The following HEXA variants were observed in gnomAD, a reference collection of about 807,000 sequenced individuals.
The protein encoded by HEXA is hexosaminidase subunit alpha.
Under a neutral mutation model 73.3 loss-of-function variants are expected in HEXA, and 54 were observed. The ratio of observed to expected loss-of-function variants is 0.74; its 90% CI spans 0.59 to 0.92. The LOEUF is 0.92. Ranked by LOEUF, HEXA falls within the 40% of genes least tolerant of loss-of-function variation. HEXA has a pLI of 0.00. For missense variants in HEXA, 649 were observed against 653.0 expected, an observed-to-expected ratio of 0.99 and a Z score of 0.07; for synonymous variants, 230 against 246.9, an observed-to-expected ratio of 0.93 and a Z score of 0.64.
At position 72,347,139 on chromosome 15, in the gene HEXA, G is replaced by C. The variant is rs536085049; in HGVS notation, c.1147-429C>G. On this transcript the variant is annotated intron_variant, in intron 10 of 13. Transcript: ENST00000268097. ...AGGTAACCTTGGTCCCACAGACCCA[G>C]AAGACCCTCATCTATGATTTAGGAA... 1.3e-4 allele frequency among the ~76,000 whole-genome samples: 15 copies of C among 111,154 alleles called. No homozygotes were observed. The Admixed American group carries it at 1.4e-3, about 10-fold the overall frequency. The allele number at this position is 111,154 out of a possible 152,430, so 72.9% of individuals were successfully genotyped here. A position where few individuals can be genotyped will look rare whatever the true frequency, so the allele number is the denominator to read the frequency against.
rs1432524505 is a variant in HEXA, at chr15:72,350,483, A to G, written c.805+35T>C. On this transcript the variant is annotated intron_variant, in intron 7 of 13. Coordinates refer to ENST00000268097, the MANE Select transcript of HEXA (RefSeq NM_000520.6). Reference sequence around the variant, plus strand: ...CTGAAGCTTCACTCTGAGCATAACAAGCAGAGTCCCTCTGGTCCCAGACAT... The same window carrying G: ...CTGAAGCTTCACTCTGAGCATAACAGGCAGAGTCCCTCTGGTCCCAGACAT... 4 of 1,610,874 alleles carry G rather than the reference A, an allele frequency of 2.5e-6. No homozygotes were observed. In the African/African-American group the frequency reaches 5.3e-5, roughly 22 times the overall value.
intron 1 of HEXA, among the ~76,000 whole-genome samples, chr15:72,365,101 T>G (rs1209233077): frequency 6.6e-6 from 1 of 152,084 alleles, no homozygotes; most frequent in Admixed American, 6.5e-5. Flanking sequence ...TTTTTACTCT[T>G]TTTTTTGAGA....
chr15:72,364,381 A>G (rs191094610), intron 1 of HEXA, among the ~76,000 whole-genome samples: 2 of 152,282 alleles, frequency 1.3e-5, no homozygotes, highest in East Asian at 3.9e-4. Context: ...TGTTAATGTC[A>G]ATATATATAG....
intron 1 of HEXA, among the ~76,000 whole-genome samples, 172 bp downstream of exon 1, chr15:72,375,548 C>T (rs537465308): frequency 2.0e-5 from 3 of 152,190 alleles, no homozygotes; most frequent in African/African-American, 7.2e-5. Context: ...GAACCGTAGT[C>T]CTATAGTAGT....
At chr15:72,347,479 T>C (rs961300166) in intron 10 of HEXA, among the ~76,000 whole-genome samples, 1 of 151,526 alleles carries the variant, frequency 6.6e-6, no homozygotes, top group African/African-American at 2.4e-5. Flanking sequence ...GCAATCCCCC[T>C]GCCTTGGCCT....
intron 6 of HEXA, 170 bp downstream of exon 6, chr15:72,350,963 G>C: frequency 1.5e-6 from 1 of 669,802 alleles, no homozygotes; most frequent in South Asian, 1.7e-5. Flanking sequence ...CAAATTATCG[G>C]CAAAGTTTTG....
Position 72,341,783 on chromosome 15 carries a change from C to T in HEXA, c.*2294G>A, listed in dbSNP as rs1209749868. The T allele has an allele frequency of 1.3e-5, 2 of 152,204 alleles. No individual in the cohort carries two copies. Among genetic ancestry groups the T allele is most frequent in the East Asian group, 3.9e-4 (2 of 5,194 alleles). The allele number at this position is 152,204 out of a possible 1,614,324, so 9.4% of individuals were successfully genotyped here. A position where few individuals can be genotyped will look rare whatever the true frequency, so the allele number is the denominator to read the frequency against. On this transcript the variant is annotated 3_prime_UTR_variant, in exon 14 of 14. Coordinates refer to ENST00000268097, the MANE Select transcript of HEXA (RefSeq NM_000520.6). ...AGGTCTGACGACCTTCAGGTAAATGCTCTTATGATCAGTGGACCAAAGGAG... is the reference window on the plus strand; with the variant it reads ...AGGTCTGACGACCTTCAGGTAAATGTTCTTATGATCAGTGGACCAAAGGAG...
At position 72,359,937 on chromosome 15, in the gene HEXA, C is replaced by T. The variant is rs142095837; in HGVS notation, c.254-3320G>A. 265 of 152,154 alleles carry T rather than the reference C, an allele frequency of 1.7e-3. 2 individuals are homozygous for T. The highest frequency in any genetic ancestry group is 5.9e-3 in the African/African-American group (246 of 41,512). 9.4% of individuals were successfully genotyped at this position (152,154 alleles called of 1,614,324 possible). ...ACCTCTGGACATGGAATTCTAATAA[C>T]AAGGACGCTCTATCACCAAAGTCCT... is the stretch of plus-strand genomic sequence containing the variant. On this transcript the variant is annotated intron_variant, in intron 1 of 13. Coordinates refer to ENST00000268097, the MANE Select transcript of HEXA (RefSeq NM_000520.6).
rs1156279978 is a variant in HEXA, at chr15:72,345,431, C to T, written c.1526+15G>A. The stretch of plus-strand genomic sequence containing the variant: ...TGGCCTGCTCCGCCTTGCGAAGGCC[C>T]CACAGCTTGCTTACCTCAGCAATTC... On this transcript the variant is annotated intron_variant, in intron 13 of 13. Transcript: ENST00000268097. The T allele has an allele frequency of 6.2e-7, 1 of 1,614,060 alleles. No individual in the cohort carries two copies. The highest frequency in any genetic ancestry group is 1.1e-5 in the South Asian group (1 of 91,074).
At chr15:72,370,784 C>G in intron 1 of HEXA, 1 of 394,966 alleles carries the variant, frequency 2.5e-6, no homozygotes, top group Non-Finnish European at 4.5e-6. Context: ...CTAATCTAGG[C>G]CCTGGGATTC....
At chr15:72,345,904 C>T in intron 12 of HEXA, 8 of 526,308 alleles carry the variant, frequency 1.5e-5, no homozygotes, top group Non-Finnish European at 2.7e-5. Context: ...GCAGTGAAAA[C>T]AGCAGAGGGA....
intron 7 of HEXA, 51 bp from the exon 8 acceptor site, chr15:72,349,310 C>A: frequency 7.2e-7 from 1 of 1,394,568 alleles, no homozygotes; most frequent in Non-Finnish European, 1.0e-6. Flanking sequence ...TAAACCCCCA[C>A]GCACAGTCCT....
intron 7 of HEXA, chr15:72,350,317 A>G (rs151018457): frequency 1.5e-6 from 1 of 652,520 alleles, no homozygotes; most frequent in Non-Finnish European, 2.7e-6. Context: ...ATAGTCTAAC[A>G]GTACATATTT....
At chr15:72,372,438 C>G (rs1428407048) in intron 1 of HEXA, among the ~76,000 whole-genome samples, 13 of 152,084 alleles carry the variant, frequency 8.5e-5, no homozygotes, top group Admixed American at 8.5e-4. Flanking sequence ...CCATCAAGCA[C>G]CATGCTCCAC....
Position 72,342,410 on chromosome 15 carries a change from C to T in HEXA, c.*1667G>A, listed in dbSNP as rs1297463578. Reference sequence around the variant, plus strand: ...TGCCTTCCTGAAGTTTCTGTATCCACTACACTGGAAGCTTTCTGAAAAAAA... The same window carrying T: ...TGCCTTCCTGAAGTTTCTGTATCCATTACACTGGAAGCTTTCTGAAAAAAA... On this transcript the variant is annotated 3_prime_UTR_variant, in exon 14 of 14. Coordinates refer to ENST00000268097, the MANE Select transcript of HEXA (RefSeq NM_000520.6). The T allele has an allele frequency of 6.6e-6, 1 of 152,106 alleles. No homozygotes were observed. Among genetic ancestry groups the T allele is most frequent in the East Asian group, 1.9e-4 (1 of 5,200 alleles). 9.4% of individuals were successfully genotyped at this position (152,106 alleles called of 1,614,324 possible).
intron 3 of HEXA, chr15:72,355,309 T>C: frequency 2.0e-6 from 1 of 500,882 alleles, no homozygotes; most frequent in Non-Finnish European, 3.7e-6. Flanking sequence ...GTGGATCACT[T>C]GAACTCAGGA....
intron 5 of HEXA, 43 bp from the exon 6 acceptor site, chr15:72,351,277 CG>C: frequency 3.0e-6 from 4 of 1,322,008 alleles, no homozygotes; most frequent in Non-Finnish European, 4.4e-6. Flanking sequence ...ACAGTCTCTC[CG>C]GTTTCAGCCT....
intron 1 of HEXA, chr15:72,370,709 G>GAAAAAAAAAAAGAAAGA (rs1555474915): frequency 1.0e-5 from 1 of 96,552 alleles, no homozygotes; most frequent in Non-Finnish European, 2.5e-5. Flanking sequence ...AAAAAAAAAA[G>GAAAAAAAAAAAGAAAGA]AAAGAAAAGA....
At chr15:72,347,570 G>C in intron 10 of HEXA, 116 bp downstream of exon 10, 3 of 842,560 alleles carry the variant, frequency 3.6e-6, no homozygotes, top group Non-Finnish European at 6.1e-6. Flanking sequence ...AGAGTGCTCC[G>C]ACCATTAAAG....
Sources: allele counts gnomAD v4.1 joint callset (sites outside exome capture counted in the v4.1 genomes callset), GRCh38; gene constraint gnomAD v4.1.1; transcripts MANE v1.5; gene names NCBI Gene and HGNC (gene_info 2026-07-23, HGNC 2026-07-21).